The following ROR2 variants were observed in gnomAD, a reference collection of about 807,000 sequenced individuals.
ROR2 encodes tyrosine-protein kinase transmembrane receptor ROR2.
A neutral mutation model predicts 74.9 loss-of-function variants in ROR2; 33 were observed. The ratio of observed to expected loss-of-function variants is 0.44; its 90% CI spans 0.33 to 0.59. The LOEUF (loss-of-function observed/expected upper bound fraction) is 0.59. Ranked by LOEUF, ROR2 falls within the 20% of genes least tolerant of loss-of-function variation. ROR2 has a pLI of 0.02. For missense variants in ROR2, 1,216 were observed against 1,313.8 expected, an observed-to-expected ratio of 0.93 and a Z score of 1.15; for synonymous variants, 586 against 558.7, an observed-to-expected ratio of 1.05 and a Z score of -0.69.
chr9:91,854,220 G>A (rs1236184244), intron 1 of ROR2, among the ~76,000 whole-genome samples: 5 of 152,202 alleles, frequency 3.3e-5, no homozygotes, highest in Admixed American at 3.3e-4. Context: ...TGATAGCAGG[G>A]GGATGCACTG....
At chr9:91,843,554 A>T (rs1355634434) in intron 1 of ROR2, among the ~76,000 whole-genome samples, 1 of 152,244 alleles carries the variant, frequency 6.6e-6, no homozygotes, top group Non-Finnish European at 1.5e-5. Context: ...CTGCTTTGTA[A>T]GGAGAAAATG....
intron 1 of ROR2, among the ~76,000 whole-genome samples, chr9:91,881,494 A>G (rs1431702583): frequency 1.3e-5 from 2 of 152,188 alleles, no homozygotes; most frequent in Non-Finnish European, 2.9e-5. Flanking sequence ...ACAGTATGTC[A>G]TTTCACTCGA....
intron 4 of ROR2, among the ~76,000 whole-genome samples, chr9:91,747,932 A>G (rs1042352810): frequency 2.0e-5 from 3 of 152,208 alleles, no homozygotes; most frequent in African/African-American, 7.2e-5. Flanking sequence ...GGACTGTGGA[A>G]CTGGGGAGAT....
chr9:91,856,666 C>T (rs1469179229), intron 1 of ROR2, among the ~76,000 whole-genome samples: 1 of 152,218 alleles, frequency 6.6e-6, no homozygotes, highest in South Asian at 2.1e-4. Context: ...TGATCTCACA[C>T]TTCCACCTCC....
At chr9:91,900,818 G>T (rs1202989575) in intron 1 of ROR2, among the ~76,000 whole-genome samples, 1 of 152,100 alleles carries the variant, frequency 6.6e-6, no homozygotes, top group Non-Finnish European at 1.5e-5. Context: ...AGCTTGAAGG[G>T]AAAAAAATAA....
chr9:91,910,668 C>CTT lies in ROR2; in HGVS notation c.97+39197_97+39198dup, dbSNP rs59785963. Among the ~76,000 whole-genome samples, 433 of 147,314 alleles carry CTT rather than the reference C, an allele frequency of 2.9e-3. 4 individuals carry two copies. The highest frequency in any genetic ancestry group is 0.01 in the African/African-American group (409 of 40,678). ...CATTAAATACATAAAATATGTAATACTTTTTTTTTTTTGGAGACAGTGTCT... is the reference window on the plus strand; with the variant it reads ...CATTAAATACATAAAATATGTAATACTTTTTTTTTTTTTTGGAGACAGTGTCT... On this transcript the variant is annotated intron_variant, in intron 1 of 8. Transcript: ENST00000375708.
chr9:91,796,458 T>C (rs1216921498), intron 1 of ROR2, among the ~76,000 whole-genome samples: 1 of 142,138 alleles, frequency 7.0e-6, no homozygotes, highest in Non-Finnish European at 1.5e-5. Context: ...AAAAAAAACA[T>C]TTTCACATGT....
chr9:91,760,309 A>T (rs910280383), intron 2 of ROR2, among the ~76,000 whole-genome samples: 7 of 152,246 alleles, frequency 4.6e-5, no homozygotes, highest in African/African-American at 1.7e-4. Flanking sequence ...TTGTTAAATT[A>T]TGATGACTGA....
chr9:91,775,868 G>C (rs1826402502), intron 1 of ROR2, 50 bp from the exon 2 acceptor site: 1 of 1,527,284 alleles, frequency 6.5e-7, no homozygotes, highest in Non-Finnish European at 9.0e-7. Flanking sequence ...CCTTTCAGGA[G>C]CCTTTAATTT....
At chr9:91,900,195 GGGTCCCCCA>G (rs1202643092) in intron 1 of ROR2, among the ~76,000 whole-genome samples, 48 of 152,168 alleles carry the variant, frequency 3.2e-4, no homozygotes, top group Non-Finnish European at 1.0e-4. Flanking sequence ...AGGATGCAGC[GGGTCCCCCA>G]GGGCCGCCAG....
chr9:91,745,860 A>G (rs2118783089), intron 4 of ROR2, among the ~76,000 whole-genome samples: 1 of 152,224 alleles, frequency 6.6e-6, no homozygotes. Flanking sequence ...GTACTATGGG[A>G]TTTAAGGAAA....
intron 1 of ROR2, among the ~76,000 whole-genome samples, chr9:91,847,952 T>C (rs1041539803): frequency 6.6e-6 from 1 of 152,162 alleles, no homozygotes; most frequent in Non-Finnish European, 1.5e-5. Context: ...GTACAGAAAC[T>C]GTCTCAAAAT....
chr9:91,934,870 T>C (rs764572519), intron 1 of ROR2, among the ~76,000 whole-genome samples: 3 of 152,204 alleles, frequency 2.0e-5, no homozygotes, highest in Non-Finnish European at 4.4e-5. Flanking sequence ...TGGAGTTTCC[T>C]TCTTTCAAAA....
intron 1 of ROR2, among the ~76,000 whole-genome samples, chr9:91,881,398 A>G (rs1317678371): frequency 1.3e-5 from 2 of 152,208 alleles, no homozygotes; most frequent in African/African-American, 4.8e-5. Flanking sequence ...AGAAACTCCA[A>G]CTTTAAATGA....
intron 4 of ROR2, among the ~76,000 whole-genome samples, chr9:91,747,385 C>G (rs1285384014): frequency 6.6e-6 from 1 of 152,198 alleles, no homozygotes; most frequent in African/African-American, 2.4e-5. Context: ...GTGGACAGGC[C>G]AGGGCAGCAC....
intron 4 of ROR2, among the ~76,000 whole-genome samples, chr9:91,739,767 A>C (rs771598376): frequency 5.9e-5 from 9 of 152,210 alleles, no homozygotes; most frequent in Non-Finnish European, 1.3e-4. Flanking sequence ...AGGTAGTTTA[A>C]ATAGGCAGCA....
intron 2 of ROR2, among the ~76,000 whole-genome samples, chr9:91,764,563 C>CACACAG (rs1367707739): frequency 2.7e-5 from 4 of 148,532 alleles, no homozygotes; most frequent in African/African-American, 9.8e-5. Context: ...ATCACTTACA[C>CACACAG]ACACACACAC....
chr9:91,909,654 A>AG (rs1175855977), intron 1 of ROR2, among the ~76,000 whole-genome samples: 1 of 149,276 alleles, frequency 6.7e-6, no homozygotes, highest in African/African-American at 2.5e-5. Flanking sequence ...ACTCGGCCCC[A>AG]GGCTCCTATG....
chr9:91,755,735 C>T (rs1025384910), intron 4 of ROR2, among the ~76,000 whole-genome samples: 1 of 152,236 alleles, frequency 6.6e-6, no homozygotes, highest in Admixed American at 6.5e-5. Flanking sequence ...TGAATTACGT[C>T]CCTGTTTCCC....
Sources: allele counts gnomAD v4.1 joint callset (sites outside exome capture counted in the v4.1 genomes callset), GRCh38; gene constraint gnomAD v4.1.1; transcripts MANE v1.5; gene names NCBI Gene and HGNC (gene_info 2026-07-23, HGNC 2026-07-21).